ZNF292: variants seen among roughly 807,000 people sequenced by gnomAD.
The protein encoded by ZNF292 is zinc finger protein 292, also known as 16 zinc-finger domain protein.
A neutral mutation model predicts 217.9 loss-of-function variants in ZNF292; 26 were observed. The observed-to-expected ratio is 0.12, with a 90% CI of 0.09 to 0.17. The LOEUF is 0.17. ZNF292 is among the 10% of genes least tolerant of loss of function. The pLI is 1.00. For missense variants in ZNF292, 2,904 were observed against 3,175.2 expected (o/e 0.91, Z 2.05); for synonymous variants, 1,257 against 1,124.1 (o/e 1.12, Z -2.37).
rs775959873 is a variant in ZNF292, at chr6:87,261,531, T to G, written c.7902T>G (p.Thr2634=). The part of the protein sequence containing the change: ...HSNSRKNIDK[T]AVTSGNHVCP... Reference sequence around the variant, plus strand: ...ATTCAAGAAAAAATATTGATAAGACTGCTGTGACTAGTGGAAATCATGTAT... The same window carrying G: ...ATTCAAGAAAAAATATTGATAAGACGGCTGTGACTAGTGGAAATCATGTAT... The change falls in exon 8 of 8, where the codon ACT becomes ACG. Residue 2634 remains threonine, a synonymous_variant. Coordinates refer to ENST00000369577, the MANE Select transcript of ZNF292 (RefSeq NM_015021.3). 1.2e-6 allele frequency: 2 copies of G among 1,608,890 alleles called. No homozygotes were observed. Among genetic ancestry groups the G allele is most frequent in the Admixed American group, 1.7e-5 (1 of 59,212 alleles).
rs761448290 is a variant in ZNF292 at position 87,255,960 on chromosome 6, T to C, written c.2331T>C (p.Phe777=). The change falls in exon 8 of 8, where the codon TTT becomes TTC. Residue 777 remains phenylalanine (F), a synonymous_variant. Coordinates refer to ENST00000369577, the MANE Select transcript of ZNF292 (RefSeq NM_015021.3). ...CCCACCGAAAGGAGCATCAAGTCTT[T>C]AGAGCAAAATGTATGTTTCCTAAAT... ...LLTHRKEHQV[F]RAKCMFPKCG... is the part of the protein sequence containing the mutation. The C allele has an allele frequency of 3.7e-6, 6 of 1,612,060 alleles. No individual in the cohort carries two copies. The highest frequency in any genetic ancestry group is 1.3e-5 in the African/African-American group (1 of 75,032).
At chr6:87,186,796 G>C (rs1252941095) in intron 1 of ZNF292, among the ~76,000 whole-genome samples, 1 of 152,208 alleles carries the variant, frequency 6.6e-6, no homozygotes, top group Non-Finnish European at 1.5e-5. Flanking sequence ...ATTTGGAGTG[G>C]AAGGATCTCC....
At chr6:87,169,708 G>T in intron 1 of ZNF292, 1 of 442,072 alleles carries the variant, frequency 2.3e-6, no homozygotes, top group Non-Finnish European at 4.5e-6. Flanking sequence ...ATGCAGTGAC[G>T]CCATCAGAGC....
intron 1 of ZNF292, among the ~76,000 whole-genome samples, chr6:87,205,495 G>A (rs1208470245): frequency 6.6e-6 from 1 of 151,776 alleles, no homozygotes; most frequent in South Asian, 2.1e-4. Flanking sequence ...ATTTTAAAAT[G>A]TTAGAACATT....
chr6:87,195,450 A>C (rs981748974), intron 1 of ZNF292, among the ~76,000 whole-genome samples: 1 of 152,238 alleles, frequency 6.6e-6, no homozygotes, highest in African/African-American at 2.4e-5. Context: ...TATCACATAC[A>C]AAATTGTTTT....
rs1275666881 is a variant in ZNF292, at chr6:87,261,385, T to A, written c.7756T>A (p.Phe2586Ile). ...EHPASFDWSS[F>I]KPMGFEVSFL... Reference sequence around the variant, plus strand: ...TCCTGCATCTTTTGACTGGAGCTCTTTTAAGCCAATGGGATTTGAAGTATC... The same window carrying A: ...TCCTGCATCTTTTGACTGGAGCTCTATTAAGCCAATGGGATTTGAAGTATC... The change falls in exon 8 of 8, where the codon TTT becomes ATT. Residue 2586 changes from phenylalanine (F) to isoleucine (I), a missense_variant. Phe to Ile is a conservative substitution (Grantham distance 21). Transcript: ENST00000369577. The A allele has an allele frequency of 6.2e-7, 1 of 1,612,870 alleles. No individual in the cohort carries two copies. The highest frequency in any genetic ancestry group is 1.3e-5 in the African/African-American group (1 of 75,004).
chr6:87,232,434 T>C (rs775544407), intron 4 of ZNF292, among the ~76,000 whole-genome samples: 7 of 152,232 alleles, frequency 4.6e-5, no homozygotes, highest in Non-Finnish European at 8.8e-5. Context: ...TTTTAAATGT[T>C]ATTACTAAAA....
In ZNF292 at chr6:87,212,402, G is replaced by C. The variant is rs145173091; in HGVS notation, c.169-3501G>C. ...CTGCCCCTTTACCTCCTGCAAGACT[G>C]GGGGGTGGGGCTACAAGTTCCATCT... is the stretch of plus-strand genomic sequence containing the variant. On this transcript the variant is annotated intron_variant, in intron 1 of 7. Transcript: ENST00000369577. Among the ~76,000 whole-genome samples, 633 of 152,272 alleles carry C rather than the reference G, an allele frequency of 4.2e-3. 3 individuals carry two copies. Among genetic ancestry groups the C allele is most frequent in the African/African-American group, 0.014 (595 of 41,550 alleles).
At chr6:87,210,697 G>T (rs1772445885) in intron 1 of ZNF292, among the ~76,000 whole-genome samples, 1 of 152,060 alleles carries the variant, frequency 6.6e-6, no homozygotes, top group Non-Finnish European at 1.5e-5. Flanking sequence ...GGAGAATGGC[G>T]TGAACCCGGG....
Position 87,259,983 on chromosome 6 carries a change from C to T in ZNF292, c.6354C>T (p.His2118=), listed in dbSNP as rs1239189006. The T allele has an allele frequency of 1.9e-6, 3 of 1,613,610 alleles. No individual in the cohort carries two copies. The highest frequency in any genetic ancestry group is 2.5e-6 in the Non-Finnish European group (3 of 1,179,668). Reference sequence around the variant, plus strand: ...CTTACAGACCTTATCGATGTGTTCACCAGGGATGCTTTGCTGCCTTTACGA... The same window carrying T: ...CTTACAGACCTTATCGATGTGTTCATCAGGGATGCTTTGCTGCCTTTACGA... ...YSPYRPYRCV[H]QGCFAAFTIQ... is the part of the protein sequence containing the mutation. The change falls in exon 8 of 8, where the codon CAC becomes CAT. Residue 2118 remains histidine, a synonymous_variant. Coordinates refer to ENST00000369577, the MANE Select transcript of ZNF292 (RefSeq NM_015021.3).
intron 1 of ZNF292, among the ~76,000 whole-genome samples, chr6:87,211,819 G>A (rs1455958619): frequency 6.6e-6 from 1 of 152,110 alleles, no homozygotes; most frequent in Non-Finnish European, 1.5e-5. Context: ...TTTGTTCCTT[G>A]TCTTTTCCCC....
At chr6:87,176,204 T>A (rs1771286259) in intron 1 of ZNF292, among the ~76,000 whole-genome samples, 1 of 152,198 alleles carries the variant, frequency 6.6e-6, no homozygotes, top group Non-Finnish European at 1.5e-5. Flanking sequence ...TAATAAAAGT[T>A]TCACATGACA....
At chr6:87,241,432 T>C (rs1328094631) in intron 5 of ZNF292, among the ~76,000 whole-genome samples, 1 of 149,864 alleles carries the variant, frequency 6.7e-6, no homozygotes, top group African/African-American at 2.5e-5. Context: ...TTTTTTTTTT[T>C]TTTTTTTGAG....
intron 1 of ZNF292, among the ~76,000 whole-genome samples, chr6:87,207,791 A>G (rs909591097): frequency 1.3e-5 from 2 of 152,188 alleles, no homozygotes; most frequent in Non-Finnish European, 2.9e-5. Flanking sequence ...TAGGTTATCT[A>G]TCAATTTCAT....
At position 87,256,738 on chromosome 6, in the gene ZNF292, G is replaced by A; in HGVS notation, c.3109G>A (p.Ala1037Thr). Residue 1037 changes from alanine to threonine, a missense_variant, in exon 8 of 8, where the codon GCA becomes ACA. Ala to Thr is a moderately conservative substitution (Grantham distance 58). This residue lies in a region of ZNF292 where 687 missense variants were observed against 623.0 expected (regional missense o/e 1.10). Coordinates refer to ENST00000369577, the MANE Select transcript of ZNF292 (RefSeq NM_015021.3). ...NLMTFSVQNQ[A>T]AFQNNLPTSK... ...GATGACCTTTTCTGTGCAAAATCAG[G>A]CAGCATTTCAAAACAATTTACCAAC... 1 of 1,612,432 alleles carries A rather than the reference G, an allele frequency of 6.2e-7. No individual in the cohort carries two copies. Among genetic ancestry groups the A allele is most frequent in the Middle Eastern group, 1.6e-4 (1 of 6,062 alleles).
chr6:87,199,396 T>C (rs955950874), intron 1 of ZNF292, among the ~76,000 whole-genome samples: 26 of 152,342 alleles, frequency 1.7e-4, no homozygotes, highest in African/African-American at 6.3e-4. Context: ...GAGCCCTTTG[T>C]TAGATGTATC....
intron 1 of ZNF292, among the ~76,000 whole-genome samples, chr6:87,193,750 C>T (rs1422755048): frequency 6.6e-6 from 1 of 152,136 alleles, no homozygotes; most frequent in Non-Finnish European, 1.5e-5. Context: ...TATAAAATTA[C>T]TTTCAGGCTA....
chr6:87,246,199 C>T (rs1056507210), intron 7 of ZNF292, among the ~76,000 whole-genome samples: 10 of 152,082 alleles, frequency 6.6e-5, no homozygotes, highest in Admixed American at 5.2e-4. Context: ...CCTCTGCACT[C>T]GAGCCTGGGC....
Position 87,181,947 on chromosome 6 carries a change from G to C in ZNF292, c.168+26188G>C, listed in dbSNP as rs1336953060. The stretch of plus-strand genomic sequence containing the variant: ...GATCCGCCCATCTCGGCCTCCCAAA[G>C]TGCTGAGATTACAGGCGCCCGGCGG... On this transcript the variant is annotated intron_variant, in intron 1 of 7. Transcript: ENST00000369577. Among the ~76,000 whole-genome samples the C allele has an allele frequency of 7.9e-5, 12 of 152,262 alleles. No homozygotes were observed. In the East Asian group the frequency reaches 2.3e-3, roughly 29 times the overall value.
Sources: allele counts gnomAD v4.1 joint callset (sites outside exome capture counted in the v4.1 genomes callset), GRCh38; gene constraint gnomAD v4.1.1; regional missense constraint gnomAD v4.1.1; transcripts MANE v1.5; gene names NCBI Gene and HGNC (gene_info 2026-07-23, HGNC 2026-07-21).